The following SPNS2 variants were observed in gnomAD, a reference collection of about 807,000 sequenced individuals.
The protein encoded by SPNS2 is SPNS lysolipid transporter 2, sphingosine-1-phosphate.
SPNS2 carries 37 observed loss-of-function variants against 57.6 expected under a neutral mutation model. The ratio of observed to expected loss-of-function variants is 0.64; its 90% confidence interval spans 0.49 to 0.85. The LOEUF is 0.85. SPNS2 is among the 40% of genes least tolerant of loss of function. SPNS2 has a pLI of 0.00. For synonymous variants in SPNS2, 440 were observed against 346.9 expected (o/e 1.27, Z -2.98); for missense variants, 831 against 779.1 (o/e 1.07, Z -0.79).
chr17:4,538,984 A>G lies in SPNS2; in HGVS notation c.*1536A>G, dbSNP rs375740223. The stretch of plus-strand genomic sequence containing the variant: ...ATTGTGAATCTCAGAGTCTTAAGAG[A>G]GAAGCCAAATATATTCCTCTTGTAA... On this transcript the variant is annotated 3_prime_UTR_variant, in exon 13 of 13. Coordinates refer to ENST00000329078, the MANE Select transcript of SPNS2 (RefSeq NM_001124758.3). 6.2e-6 allele frequency: 5 copies of G among 800,588 alleles called. No homozygotes were observed. Among genetic ancestry groups the G allele is most frequent in the Non-Finnish European group, 1.1e-5 (5 of 436,160 alleles). 49.6% of individuals were successfully genotyped at this position (800,588 alleles called of 1,614,324 possible).
At chr17:4,525,000 C>A (rs1354918941) in intron 2 of SPNS2, 57 bp from the exon 3 acceptor site, 3 of 1,591,600 alleles carry the variant, frequency 1.9e-6, no homozygotes, top group Admixed American at 1.7e-5. Flanking sequence ...GTGAAATGGG[C>A]CGGGAGGCCG....
intron 1 of SPNS2, among the ~76,000 whole-genome samples, chr17:4,508,345 T>C (rs1328779278): frequency 6.6e-6 from 1 of 152,178 alleles, no homozygotes; most frequent in African/African-American, 2.4e-5. Flanking sequence ...AGTGCGTTTA[T>C]AGATTCTTAG....
intron 3 of SPNS2, among the ~76,000 whole-genome samples, chr17:4,528,009 G>A (rs1295069262): frequency 6.6e-6 from 1 of 151,222 alleles, no homozygotes; most frequent in Non-Finnish European, 1.5e-5. Context: ...CAGATTAATG[G>A]TGTGTATGTA....
chr17:4,530,978 C>A, intron 4 of SPNS2, 75 bp from the exon 5 acceptor site: 1 of 1,564,074 alleles, frequency 6.4e-7, no homozygotes, highest in Non-Finnish European at 8.7e-7. Flanking sequence ...GGGCAGCCTG[C>A]CTTGCAGACC....
Position 4,533,374 on chromosome 17 carries a change from C to G in SPNS2, c.1220C>G (p.Ser407Cys). ...PLVCAVGMLG[S>C]AIFICLIFVA... ...GTGTGTGCCGTGGGCATGCTGGGCT[C>G]TGCCATCTTCATCTGCCTGATCTTC... The change falls in exon 8 of 13, where the codon TCT (serine) becomes TGT (cysteine). Residue 407 changes from serine (S) to cysteine (C), a missense_variant. This residue lies in a region of SPNS2 where 526 missense variants were observed against 400.9 expected (regional missense o/e 1.31). Transcript: ENST00000329078. The G allele has an allele frequency of 6.2e-7, 1 of 1,611,052 alleles. No individual in the cohort carries two copies. The highest frequency in any genetic ancestry group is 8.5e-7 in the Non-Finnish European group (1 of 1,179,234).
In SPNS2 at chr17:4,499,277, C is replaced by A. The variant is rs1162736027; in HGVS notation, c.230C>A (p.Thr77Asn). 13 of 1,488,340 alleles carry A rather than the reference C, an allele frequency of 8.7e-6. No individual in the cohort carries two copies. Among genetic ancestry groups the A allele is most frequent in the Middle Eastern group, 4.4e-4 (2 of 4,592 alleles). The allele number at this position is 1,488,340 out of a possible 1,614,324, so 92.2% of individuals were successfully genotyped here. A position where few individuals can be genotyped will look rare whatever the true frequency, so the allele number is the denominator to read the frequency against. ...ACCGGACCCCCCGGCACCCCCGGCA[C>A]CCCCGGCTGCGCAGCTACTGCAAAG... ...APTGPPGTPG[T>N]PGCAATAKGP... is the part of the protein sequence containing the mutation. Residue 77 changes from threonine to asparagine, a missense_variant, in exon 1 of 13, where the codon ACC (threonine) becomes AAC (asparagine). Thr to Asn is a moderately conservative substitution (Grantham distance 65). Coordinates refer to ENST00000329078, the MANE Select transcript of SPNS2 (RefSeq NM_001124758.3). The surrounding 1 kb of genome is among the most constrained non-coding windows in gnomAD (Gnocchi z 5.2).
chr17:4,508,441 T>C (rs992579250), intron 1 of SPNS2, among the ~76,000 whole-genome samples: 5 of 152,226 alleles, frequency 3.3e-5, no homozygotes, highest in African/African-American at 1.2e-4. Context: ...CTAAAGGTGA[T>C]TGGGATTCTC....
chr17:4,537,208 G>A (rs1384036528), intron 12 of SPNS2, among the ~76,000 whole-genome samples: 1 of 152,210 alleles, frequency 6.6e-6, no homozygotes, highest in Non-Finnish European at 1.5e-5. Flanking sequence ...GGCCAGGACT[G>A]GCCAGGAACT....
Position 4,536,364 on chromosome 17 carries a change from C to T in SPNS2, c.1545C>T (p.Gly515=), listed in dbSNP as rs538489403. 4.2e-5 allele frequency: 67 copies of T among 1,610,044 alleles called. No individual in the cohort carries two copies. In the Middle Eastern group the frequency reaches 6.6e-4, roughly 16 times the overall value. The change falls in exon 11 of 13, where the codon GGC becomes GGT. Residue 515 remains glycine (G), a synonymous_variant. Coordinates refer to ENST00000329078, the MANE Select transcript of SPNS2 (RefSeq NM_001124758.3). ...TCTGCCCTTTCGTCGTGGTCCTGGG[C>T]GGCATGTTCTTCCTCGCCACTGCGC... The part of the protein sequence containing the change: ...LMLCPFVVVL[G]GMFFLATALF...
In SPNS2 at chr17:4,536,962, G is replaced by C; in HGVS notation, c.*4+16G>C. The stretch of plus-strand genomic sequence containing the variant: ...GTCTGAGGTGGTGAGTGCAGGCCGG[G>C]AGGCACGTGGGGGCTCCCTAAGGAA... On this transcript the variant is annotated intron_variant, in intron 12 of 12. Coordinates refer to ENST00000329078, the MANE Select transcript of SPNS2 (RefSeq NM_001124758.3). 1 of 1,612,166 alleles carries C rather than the reference G, an allele frequency of 6.2e-7. No individual in the cohort carries two copies. The highest frequency in any genetic ancestry group is 1.3e-5 in the African/African-American group (1 of 74,942).
In SPNS2 at chr17:4,499,428, GC is replaced by G; in HGVS notation, c.370+15del. 1 of 1,308,710 alleles carries G rather than the reference GC, an allele frequency of 7.6e-7. No individual in the cohort carries two copies. The highest frequency in any genetic ancestry group is 9.8e-7 in the Non-Finnish European group (1 of 1,025,122). The allele number at this position is 1,308,710 out of a possible 1,614,324, so 81.1% of individuals were successfully genotyped here. On this transcript the variant is annotated intron_variant, in intron 1 of 12. Transcript: ENST00000329078. This position sits in a 1 kb window ranked among gnomAD's most constrained non-coding sequence, Gnocchi z 5.2. ...GGTACACCGTGGCAGGTGAGCGAGT[GC>G]CCCACCCAGCCCGAGGACCAAGACC...
chr17:4,536,385 TGCGCTCTTCTTCGTCAGCGACC>T lies in SPNS2; in HGVS notation c.1571_1592del (p.Leu524ProfsTer7). On this transcript the variant is annotated frameshift_variant, in exon 11 of 13. Transcript: ENST00000329078. LOFTEE classifies it high-confidence loss of function. Reference sequence around the variant, plus strand: ...TGGGCGGCATGTTCTTCCTCGCCACTGCGCTCTTCTTCGTCAGCGACCGCGCCAGGGCTGAGCAGCAGTGAGT... The same window carrying T: ...TGGGCGGCATGTTCTTCCTCGCCACTGCGCCAGGGCTGAGCAGCAGTGAGT... 1.2e-6 allele frequency: 2 copies of T among 1,606,978 alleles called. No individual in the cohort carries two copies. Among genetic ancestry groups the T allele is most frequent in the Non-Finnish European group, 1.7e-6 (2 of 1,179,476 alleles).
chr17:4,533,933 TGA>T, intron 9 of SPNS2, 80 bp downstream of exon 9: 7 of 1,152,968 alleles, frequency 6.1e-6, no homozygotes, highest in Admixed American at 1.8e-5. Context: ...GGAGGGCGGG[TGA>T]AGGGGCGGGA....
chr17:4,534,775 G>A (rs1024147094), intron 9 of SPNS2, among the ~76,000 whole-genome samples: 1 of 151,702 alleles, frequency 6.6e-6, no homozygotes, highest in Non-Finnish European at 1.5e-5. Flanking sequence ...CCAGGCGGTG[G>A]CAGGGGTGCG....
chr17:4,509,513 G>C (rs937030429), intron 1 of SPNS2, among the ~76,000 whole-genome samples: 1 of 152,270 alleles, frequency 6.6e-6, no homozygotes, highest in African/African-American at 2.4e-5. Context: ...ACAAGTCAGA[G>C]CTGTTCTCAC....
chr17:4,531,760 G>C (rs1026056804), intron 5 of SPNS2, among the ~76,000 whole-genome samples: 1 of 152,050 alleles, frequency 6.6e-6, no homozygotes, highest in Non-Finnish European at 1.5e-5. Context: ...AGTCCCGGGG[G>C]CATGGGGGAG....
chr17:4,519,593 C>T (rs1224303163), intron 2 of SPNS2, among the ~76,000 whole-genome samples: 1 of 1,296 alleles, frequency 7.7e-4, no homozygotes, highest in African/African-American at 2.2e-3. Context: ...TTGTCCTAGA[C>T]CTGTGGGCTC....
chr17:4,533,551 C>A, intron 8 of SPNS2, 119 bp downstream of exon 8: 2 of 1,187,482 alleles, frequency 1.7e-6, no homozygotes, highest in Non-Finnish European at 2.3e-6. Context: ...GGCTCCTATT[C>A]TCTGGCTGCC....
chr17:4,523,396 C>T (rs1287229271), intron 2 of SPNS2, among the ~76,000 whole-genome samples: 3 of 152,174 alleles, frequency 2.0e-5, no homozygotes, highest in Non-Finnish European at 2.9e-5. Context: ...GGAAATCGCA[C>T]CACTGCACTC....
Sources: allele counts gnomAD v4.1 joint callset (sites outside exome capture counted in the v4.1 genomes callset), GRCh38; gene constraint gnomAD v4.1.1; regional missense constraint gnomAD v4.1.1; non-coding constraint Gnocchi (gnomAD v3.1); transcripts MANE v1.5; gene names NCBI Gene and HGNC (gene_info 2026-07-23, HGNC 2026-07-21).